KIF26B: variants seen among roughly 807,000 people sequenced by gnomAD.
KIF26B encodes the protein kinesin family member 26B.
In KIF26B, 63 loss-of-function variants were observed where a neutral mutation model predicts 151.2. The observed-to-expected ratio is 0.42, with a 90% CI of 0.34 to 0.51. The LOEUF (loss-of-function observed/expected upper bound fraction) is 0.51, where lower values mean the gene tolerates loss of function less well. KIF26B is among the 20% of genes least tolerant of loss of function. The probability of loss-of-function intolerance (pLI) is 0.07; values close to 1 mark genes in which losing one functional copy is unlikely to be tolerated. For synonymous variants in KIF26B, 1,357 were observed against 1,262.1 expected (o/e 1.08, Z -1.59); for missense variants, 2,813 against 2,913.6 (o/e 0.97, Z 0.79).
intron 9 of KIF26B, among the ~76,000 whole-genome samples, chr1:245,620,987 A>T (rs933474869): frequency 1.3e-5 from 2 of 152,122 alleles, no homozygotes; most frequent in African/African-American, 4.8e-5. Flanking sequence ...TATGCAGGTG[A>T]CCCAGAGCAT....
intron 5 of KIF26B, among the ~76,000 whole-genome samples, chr1:245,579,212 G>A (rs2043151631): frequency 6.6e-6 from 1 of 151,902 alleles, no homozygotes; most frequent in Non-Finnish European, 1.5e-5. Context: ...ATTGGTGTGT[G>A]GATCACAATG....
intron 4 of KIF26B, among the ~76,000 whole-genome samples, chr1:245,490,469 G>T (rs1173644929): frequency 6.6e-6 from 1 of 151,780 alleles, no homozygotes; most frequent in African/African-American, 2.4e-5. Flanking sequence ...ACACCACCAC[G>T]TCCAGCTAAT....
intron 5 of KIF26B, among the ~76,000 whole-genome samples, chr1:245,559,674 A>G (rs1000415348): frequency 6.6e-6 from 1 of 152,186 alleles, no homozygotes; most frequent in Non-Finnish European, 1.5e-5. Context: ...GGCCTTCCAA[A>G]GTGCTGGGAC....
At chr1:245,324,462 A>G (rs1487590466) in intron 2 of KIF26B, among the ~76,000 whole-genome samples, 4 of 152,208 alleles carry the variant, frequency 2.6e-5, no homozygotes, top group African/African-American at 7.2e-5. Flanking sequence ...ATTCATGGAA[A>G]TGCTCTGCCA....
intron 5 of KIF26B, among the ~76,000 whole-genome samples, chr1:245,574,530 G>A (rs1386783666): frequency 3.3e-5 from 5 of 152,210 alleles, no homozygotes; most frequent in African/African-American, 4.8e-5. Flanking sequence ...TGGCCAGGCT[G>A]GCTGAGCCAT....
intron 4 of KIF26B, among the ~76,000 whole-genome samples, chr1:245,484,943 A>G (rs887527799): frequency 1.4e-4 from 21 of 152,226 alleles, no homozygotes; most frequent in African/African-American, 4.6e-4. Flanking sequence ...TGTTTTCCCA[A>G]TGGAAATAGA....
At chr1:245,400,056 A>G (rs1673957061) in intron 3 of KIF26B, among the ~76,000 whole-genome samples, 1 of 152,236 alleles carries the variant, frequency 6.6e-6, no homozygotes, top group Admixed American at 6.5e-5. Context: ...AAAGACTGAG[A>G]GAAGACACTG....
intron 2 of KIF26B, among the ~76,000 whole-genome samples, chr1:245,193,658 A>G (rs1669146711): frequency 6.6e-6 from 1 of 152,200 alleles, no homozygotes; most frequent in South Asian, 2.1e-4. Flanking sequence ...ATCCTCTGAG[A>G]TGTAGGTACT....
intron 4 of KIF26B, among the ~76,000 whole-genome samples, chr1:245,503,529 G>T (rs1660665756): frequency 6.6e-6 from 1 of 152,080 alleles, no homozygotes; most frequent in East Asian, 1.9e-4. Flanking sequence ...CTGACTATTT[G>T]CAACAAAAGA....
chr1:245,584,725 C>T (rs977236396), intron 5 of KIF26B, among the ~76,000 whole-genome samples: 4 of 152,230 alleles, frequency 2.6e-5, no homozygotes, highest in African/African-American at 4.8e-5. Flanking sequence ...GTAATAAAAG[C>T]AATGAGAGAA....
intron 2 of KIF26B, among the ~76,000 whole-genome samples, chr1:245,364,145 G>A (rs947713578): frequency 6.6e-6 from 1 of 152,162 alleles, no homozygotes; most frequent in African/African-American, 2.4e-5. Flanking sequence ...CCCAGCCTGG[G>A]GCAACACTGG....
Position 245,324,734 on chromosome 1 carries a change from G to A in KIF26B, c.466-42100G>A, listed in dbSNP as rs571853613. The stretch of plus-strand genomic sequence containing the variant: ...AGGCATGAAACACGGCCATCCCTCA[G>A]GCACACGGCTGCTGGGATATGGCAA... On this transcript the variant is annotated intron_variant, in intron 2 of 14. Transcript: ENST00000407071. Among the ~76,000 whole-genome samples, 280 of 152,264 alleles carry A rather than the reference G, an allele frequency of 1.8e-3. 1 individual carries two copies. The highest frequency in any genetic ancestry group is 6.4e-3 in the African/African-American group (267 of 41,556).
intron 9 of KIF26B, among the ~76,000 whole-genome samples, chr1:245,632,125 G>T (rs1054056420): frequency 6.6e-6 from 1 of 151,638 alleles, no homozygotes; most frequent in Non-Finnish European, 1.5e-5. Flanking sequence ...TGCATCATTC[G>T]GTTGTCTATT....
intron 2 of KIF26B, among the ~76,000 whole-genome samples, chr1:245,261,564 C>CCTCTCTTT (rs1331963877): frequency 9.8e-5 from 13 of 132,700 alleles, no homozygotes; most frequent in Admixed American, 4.8e-4. Flanking sequence ...TCCGTCTGTC[C>CCTCTCTTT]CTCTCTTTCT....
chr1:245,258,089 C>T (rs992375486), intron 2 of KIF26B, among the ~76,000 whole-genome samples: 2 of 152,150 alleles, frequency 1.3e-5, no homozygotes, highest in African/African-American at 2.4e-5. Context: ...TTGAGAGCAG[C>T]CCAGGCCTGG....
At chr1:245,206,716 G>A (rs1318032431) in intron 2 of KIF26B, 1 of 152,244 alleles carries the variant, frequency 6.6e-6, no homozygotes, top group African/African-American at 2.4e-5. Context: ...TCAGGTCTGA[G>A]TGTTCAAGGC....
chr1:245,231,244 G>A (rs913410857), intron 2 of KIF26B, among the ~76,000 whole-genome samples: 3 of 152,206 alleles, frequency 2.0e-5, no homozygotes, highest in African/African-American at 4.8e-5. Context: ...GCTGGGCGCA[G>A]TGGCTCACAT....
At chr1:245,433,930 C>A (rs902961308) in intron 4 of KIF26B, among the ~76,000 whole-genome samples, 1 of 152,020 alleles carries the variant, frequency 6.6e-6, no homozygotes, top group East Asian at 1.9e-4. Context: ...AAGAGAAATT[C>A]TCTTGGGGGT....
chr1:245,532,391 G>A lies in KIF26B; in HGVS notation c.1167-8376G>A, dbSNP rs557820223. On this transcript the variant is annotated intron_variant, in intron 4 of 14. Coordinates refer to ENST00000407071, the MANE Select transcript of KIF26B (RefSeq NM_018012.4). ...CTCCCGAGTAGCTGGGACTACAGGC[G>A]CCCGCCACCATGCCCAGCTAATTTT... Among the ~76,000 whole-genome samples the A allele has an allele frequency of 1.5e-4, 22 of 151,454 alleles. No individual in the cohort carries two copies. In the South Asian group the frequency reaches 3.4e-3, roughly 23 times the overall value.
Sources: allele counts gnomAD v4.1 joint callset (sites outside exome capture counted in the v4.1 genomes callset), GRCh38; gene constraint gnomAD v4.1.1; transcripts MANE v1.5; gene names NCBI Gene and HGNC (gene_info 2026-07-23, HGNC 2026-07-21).